ENOX1: variants seen among roughly 807,000 people sequenced by gnomAD.
ENOX1 encodes candidate growth-related and time keeping constitutive hydroquinone (NADH) oxidase.
Under a neutral mutation model 82.5 loss-of-function variants are expected in ENOX1, and 42 were observed. The observed-to-expected ratio is 0.51, with a 90% CI of 0.40 to 0.66. The LOEUF is 0.66. Among genes scored for constraint, ENOX1 ranks in the 30% least tolerant of loss-of-function variants. The probability of loss-of-function intolerance (pLI) is 0.00; values close to 1 mark genes in which losing one functional copy is unlikely to be tolerated. For synonymous variants in ENOX1, 271 were observed against 282.2 expected (o/e 0.96, Z 0.40); for missense variants, 608 against 811.6 (o/e 0.75, Z 3.05).
At chr13:43,524,108 T>C (rs1159049152) in intron 2 of ENOX1, among the ~76,000 whole-genome samples, 1 of 152,130 alleles carries the variant, frequency 6.6e-6, no homozygotes, top group African/African-American at 2.4e-5. Context: ...CCAACCACCT[T>C]CTTCACATCA....
intron 2 of ENOX1, among the ~76,000 whole-genome samples, chr13:43,581,884 T>C (rs973743307): frequency 6.6e-6 from 1 of 152,106 alleles, no homozygotes; most frequent in Non-Finnish European, 1.5e-5. Flanking sequence ...ATCAAGTAGA[T>C]TTAAAAAAAG....
chr13:43,407,607 G>A (rs1218087944), intron 5 of ENOX1, among the ~76,000 whole-genome samples: 1 of 152,106 alleles, frequency 6.6e-6, no homozygotes. Flanking sequence ...ATTAAGTTAG[G>A]AATTGTACGT....
intron 2 of ENOX1, among the ~76,000 whole-genome samples, chr13:43,486,960 G>C (rs1452782630): frequency 6.6e-6 from 1 of 152,192 alleles, no homozygotes; most frequent in Non-Finnish European, 1.5e-5. Context: ...ATCACCTGAG[G>C]TCAGGAGTTC....
intron 1 of ENOX1, among the ~76,000 whole-genome samples, chr13:43,726,733 T>TGTGTGC (rs2153820317): frequency 8.6e-6 from 1 of 116,766 alleles, no homozygotes; most frequent in Non-Finnish European, 1.6e-5. Flanking sequence ...TGTGTGTGTG[T>TGTGTGC]GTGTGTGTGT....
intron 2 of ENOX1, among the ~76,000 whole-genome samples, chr13:43,603,253 C>A (rs1243058993): frequency 1.3e-5 from 2 of 151,916 alleles, no homozygotes; most frequent in Non-Finnish European, 1.5e-5. Context: ...ATGCTTTTCC[C>A]CATAAGTTAT....
chr13:43,477,020 C>T (rs937865391), intron 3 of ENOX1, among the ~76,000 whole-genome samples: 1 of 149,504 alleles, frequency 6.7e-6, no homozygotes, highest in African/African-American at 2.5e-5. Flanking sequence ...TGAAACAGAT[C>T]TCCATATATT....
At chr13:43,771,475 CTACAAT>C (rs1951598234) in intron 1 of ENOX1, among the ~76,000 whole-genome samples, 1 of 149,844 alleles carries the variant, frequency 6.7e-6, no homozygotes, top group South Asian at 2.1e-4. Context: ...TCTTTCAGTT[CTACAAT>C]TATAACTTAA....
At chr13:43,500,996 C>G (rs747293111) in intron 2 of ENOX1, among the ~76,000 whole-genome samples, 2 of 151,418 alleles carry the variant, frequency 1.3e-5, no homozygotes, top group Non-Finnish European at 1.5e-5. Flanking sequence ...GGAAGAGGAA[C>G]AAAAGAACTA....
chr13:43,616,166 C>CTATATATATAGA (rs1566641724), intron 2 of ENOX1, among the ~76,000 whole-genome samples: 1 of 9,266 alleles, frequency 1.1e-4, no homozygotes, highest in African/African-American at 2.1e-4. Context: ...AGATATCTAT[C>CTATATATATAGA]TATCTATCTA....
At chr13:43,331,972 T>G (rs559151657) in intron 9 of ENOX1, among the ~76,000 whole-genome samples, 1 of 152,044 alleles carries the variant, frequency 6.6e-6, no homozygotes, top group African/African-American at 2.4e-5. Flanking sequence ...TAAGGAGGGA[T>G]GGACCGGAAT....
intron 2 of ENOX1, among the ~76,000 whole-genome samples, chr13:43,608,954 A>T (rs1430515171): frequency 6.6e-6 from 1 of 152,096 alleles, no homozygotes; most frequent in African/African-American, 2.4e-5. Context: ...GAATTTCTAA[A>T]CCAACTGGCA....
intron 1 of ENOX1, among the ~76,000 whole-genome samples, chr13:43,670,696 A>G (rs1487674273): frequency 2.0e-5 from 3 of 152,066 alleles, no homozygotes; most frequent in African/African-American, 4.8e-5. Context: ...TCCACTAAAA[A>G]TACAAAAATT....
intron 16 of ENOX1, among the ~76,000 whole-genome samples, chr13:43,217,406 G>A (rs1316814683): frequency 6.6e-6 from 1 of 152,188 alleles, no homozygotes; most frequent in Non-Finnish European, 1.5e-5. Flanking sequence ...TGGCTAGCAT[G>A]TACTGAAATG....
chr13:43,525,427 T>C (rs1178268704), intron 2 of ENOX1, among the ~76,000 whole-genome samples: 2 of 152,176 alleles, frequency 1.3e-5, no homozygotes, highest in Non-Finnish European at 2.9e-5. Flanking sequence ...AATTCAATTT[T>C]TGACTGGCTT....
intron 11 of ENOX1, among the ~76,000 whole-genome samples, chr13:43,316,643 A>T (rs912526): frequency 0.82 from 123,897 of 151,508 alleles, 52,246 homozygotes; most frequent in Non-Finnish European, 0.94. Context: ...AAAAAAAAAA[A>T]TTCTACACTT....
At chr13:43,277,477 T>C (rs2045118206) in intron 12 of ENOX1, among the ~76,000 whole-genome samples, 1 of 152,122 alleles carries the variant, frequency 6.6e-6, no homozygotes, top group African/African-American at 2.4e-5. Flanking sequence ...GGGACAGCTA[T>C]GGAGAGGAGT....
intron 12 of ENOX1, among the ~76,000 whole-genome samples, chr13:43,296,081 A>G (rs2046270993): frequency 6.6e-6 from 1 of 152,134 alleles, no homozygotes; most frequent in East Asian, 1.9e-4. Flanking sequence ...GTCTTTGTCT[A>G]TTCATTCCCT....
At chr13:43,318,977 G>A (rs2047664138) in intron 11 of ENOX1, among the ~76,000 whole-genome samples, 1 of 152,126 alleles carries the variant, frequency 6.6e-6, no homozygotes, top group African/African-American at 2.4e-5. Context: ...TGGAGGGAGA[G>A]AGGGAGGAAG....
chr13:43,351,417 TTTA>T (rs2049786553), intron 8 of ENOX1, among the ~76,000 whole-genome samples: 2 of 72,638 alleles, frequency 2.8e-5, no homozygotes, highest in South Asian at 5.3e-4. Context: ...ATTTATTTTA[TTTA>T]TTTATTTATT....
Sources: gnomAD v4.1 joint callset for allele counts (sites outside exome capture counted in the v4.1 genomes callset) on GRCh38, gnomAD v4.1.1 for gene constraint, MANE v1.5 for transcripts, NCBI Gene and HGNC (gene_info 2026-07-23, HGNC 2026-07-21) for gene names.